Variants in ACVR2A observed in about 807,000 individuals in gnomAD.
ACVR2A encodes the protein activin A receptor type 2A.
ACVR2A carries 7 observed loss-of-function variants against 61.4 expected under a neutral mutation model. That is an observed-to-expected ratio of 0.11 (90% CI 0.06 to 0.21). The LOEUF (loss-of-function observed/expected upper bound fraction) is 0.21, where lower values mean the gene tolerates loss of function less well. Among genes scored for constraint, ACVR2A ranks in the 10% least tolerant of loss-of-function variants. ACVR2A has a pLI of 1.00. For missense variants in ACVR2A, 322 were observed against 621.7 expected (o/e 0.52, Z 5.13); for synonymous variants, 193 against 208.3 (o/e 0.93, Z 0.63).
chr2:147,859,811 C>G (rs17741978), intron 1 of ACVR2A, among the ~76,000 whole-genome samples: 21,750 of 152,092 alleles, frequency 0.14, 1,921 homozygotes, highest in Middle Eastern at 0.23. Context: ...AACTGTTTTA[C>G]AGATGAGAAA....
chr2:147,896,319 C>T lies in ACVR2A; in HGVS notation c.74C>T (p.Ser25Leu). ...SCSSGAILGRSETQECLFFNA... is the reference protein window; with the variant it reads ...SCSSGAILGRLETQECLFFNA... ...CTTATAGGTGCTATACTTGGTAGAT[C>T]AGAAACTCAGGAGTGTCTTTTCTTT... is the stretch of plus-strand genomic sequence containing the variant. Residue 25 changes from serine to leucine, a missense_variant, in exon 2 of 11, where the codon TCA (serine) becomes TTA (leucine). By Grantham distance (145) the Ser-to-Leu change is moderately radical. This residue lies in a region of ACVR2A where 142 missense variants were observed against 200.3 expected (regional missense o/e 0.71). Transcript: ENST00000241416. 1 of 1,613,464 alleles carries T rather than the reference C, an allele frequency of 6.2e-7. No homozygotes were observed. Among genetic ancestry groups the T allele is most frequent in the Non-Finnish European group, 8.5e-7 (1 of 1,179,566 alleles).
intron 2 of ACVR2A, 36 bp downstream of exon 2, chr2:147,896,544 G>C (rs1159319640): frequency 6.3e-7 from 1 of 1,590,454 alleles, no homozygotes; most frequent in South Asian, 1.1e-5. Flanking sequence ...GTAGTATTGA[G>C]TAATTTTCAC....
intron 8 of ACVR2A, among the ~76,000 whole-genome samples, 164 bp from the exon 9 acceptor site, chr2:147,922,809 T>G (rs999033939): frequency 6.6e-6 from 1 of 152,162 alleles, no homozygotes; most frequent in Non-Finnish European, 1.5e-5. Context: ...TCTGTTGATA[T>G]ATTTTTTAAG....
At chr2:147,915,431 G>T (rs1687226470) in intron 5 of ACVR2A, 97 bp downstream of exon 5, 1 of 1,460,700 alleles carries the variant, frequency 6.8e-7, no homozygotes, top group Non-Finnish European at 9.4e-7. Context: ...TATGTACCAA[G>T]GTGGTTCTTT....
rs1685973511 is a variant in ACVR2A, at chr2:147,870,166, TA to T, written c.55+24966del. 2.0e-5 allele frequency among the ~76,000 whole-genome samples: 3 copies of T among 151,882 alleles called. No individual in the cohort carries two copies. The South Asian group carries it at 6.2e-4, about 32-fold the overall frequency. On this transcript the variant is annotated intron_variant, in intron 1 of 10. Transcript: ENST00000241416. The stretch of plus-strand genomic sequence containing the variant: ...ATGTGGTGTATTCTCTAAAGCAAAA[TA>T]AAAAAATTAGTAGAGTGAAAAATGT...
intron 2 of ACVR2A, among the ~76,000 whole-genome samples, chr2:147,898,040 A>G (rs1686784545): frequency 6.6e-6 from 1 of 152,168 alleles, no homozygotes; most frequent in Admixed American, 6.6e-5. Context: ...CCTAAAGACA[A>G]TACTCCAGCT....
chr2:147,896,639 A>T, intron 2 of ACVR2A, 131 bp downstream of exon 2: 1 of 777,978 alleles, frequency 1.3e-6, no homozygotes, highest in Non-Finnish European at 2.1e-6. Flanking sequence ...GGGATTATAA[A>T]GAACATTATA....
rs545634717 is a variant in ACVR2A, at chr2:147,899,159, A to G, written c.264-299A>G. ...ATGTCCTCTTCAAGCTTTTCTAATAATTAAAAAAATAAAAAAAGATGCTTG... is the reference window on the plus strand; with the variant it reads ...ATGTCCTCTTCAAGCTTTTCTAATAGTTAAAAAAATAAAAAAAGATGCTTG... On this transcript the variant is annotated intron_variant, in intron 2 of 10. Coordinates refer to ENST00000241416, the MANE Select transcript of ACVR2A (RefSeq NM_001616.5). Among the ~76,000 whole-genome samples the G allele has an allele frequency of 5.3e-5, 8 of 152,214 alleles. No individual in the cohort carries two copies. In the South Asian group the frequency reaches 1.5e-3, roughly 28 times the overall value.
intron 1 of ACVR2A, among the ~76,000 whole-genome samples, chr2:147,874,330 A>G (rs966613752): frequency 1.3e-5 from 2 of 151,944 alleles, no homozygotes; most frequent in African/African-American, 2.4e-5. Flanking sequence ...GAGATTATAT[A>G]TGTAGCAACT....
chr2:147,847,583 C>A (rs547043096), intron 1 of ACVR2A, among the ~76,000 whole-genome samples: 75 of 152,074 alleles, frequency 4.9e-4, no homozygotes, highest in Non-Finnish European at 2.4e-4. Context: ...TTTACTATTT[C>A]GTGGACTCTG....
intron 1 of ACVR2A, among the ~76,000 whole-genome samples, chr2:147,849,157 T>A (rs772898056): frequency 1.1e-4 from 16 of 152,142 alleles, no homozygotes; most frequent in Non-Finnish European, 1.3e-4. Context: ...TTTGATAGAG[T>A]GCTCATGAAG....
chr2:147,918,875 T>C (rs1199312499), intron 7 of ACVR2A, among the ~76,000 whole-genome samples: 4 of 152,060 alleles, frequency 2.6e-5, no homozygotes, highest in African/African-American at 9.7e-5. Context: ...AAAAAGACAT[T>C]TGTTTTACCT....
intron 1 of ACVR2A, among the ~76,000 whole-genome samples, chr2:147,867,914 T>TCTC (rs1250363042): frequency 1.3e-5 from 2 of 152,196 alleles, no homozygotes; most frequent in Non-Finnish European, 2.9e-5. Context: ...ACTCCGCTGA[T>TCTC]TTTGTACTTC....
rs142199935 is a variant in ACVR2A, at chr2:147,885,731, G to C, written c.56-10570G>C. Among the ~76,000 whole-genome samples, 37 of 152,212 alleles carry C rather than the reference G, an allele frequency of 2.4e-4. No homozygotes were observed. The East Asian group carries it at 6.7e-3, about 28-fold the overall frequency. ...AGGTCACTCAAAAAGAAAGTAACGAGATGATACTTGGTGAAGATGTAGGTA... is the reference window on the plus strand; with the variant it reads ...AGGTCACTCAAAAAGAAAGTAACGACATGATACTTGGTGAAGATGTAGGTA... On this transcript the variant is annotated intron_variant, in intron 1 of 10. Coordinates refer to ENST00000241416, the MANE Select transcript of ACVR2A (RefSeq NM_001616.5).
intron 2 of ACVR2A, among the ~76,000 whole-genome samples, chr2:147,899,157 T>A (rs1686814508): frequency 6.6e-6 from 1 of 152,078 alleles, no homozygotes. Context: ...GCTTTTCTAA[T>A]AATTAAAAAA....
chr2:147,918,617 C>T, intron 7 of ACVR2A, 25 bp downstream of exon 7: 1 of 1,579,470 alleles, frequency 6.3e-7, no homozygotes, highest in South Asian at 1.2e-5. Context: ...TATTGTTTTC[C>T]CAGATAATTG....
intron 1 of ACVR2A, among the ~76,000 whole-genome samples, chr2:147,851,841 A>G (rs1052751679): frequency 1.3e-5 from 2 of 152,032 alleles, no homozygotes; most frequent in African/African-American, 2.4e-5. Context: ...CTGGTACACA[A>G]TAGGTGCTCA....
intron 2 of ACVR2A, chr2:147,898,130 CT>C (rs1317812011): frequency 6.6e-6 from 1 of 152,120 alleles, no homozygotes; most frequent in Non-Finnish European, 1.5e-5. Context: ...ATTGCAAATA[CT>C]TGCTCTTAGA....
chr2:147,892,097 G>A (rs1686601333), intron 1 of ACVR2A, among the ~76,000 whole-genome samples: 9 of 151,882 alleles, frequency 5.9e-5, no homozygotes, highest in Admixed American at 5.9e-4. Context: ...TTAGCCTCCT[G>A]AGTAGCTGGG....
Sources: allele counts gnomAD v4.1 joint callset (sites outside exome capture counted in the v4.1 genomes callset), GRCh38; gene constraint gnomAD v4.1.1; regional missense constraint gnomAD v4.1.1; transcripts MANE v1.5; gene names NCBI Gene and HGNC (gene_info 2026-07-23, HGNC 2026-07-21).